The following OSBPL3 variants were observed in gnomAD, a reference collection of about 807,000 sequenced individuals.
The protein encoded by OSBPL3 is oxysterol-binding protein-related protein 3.
Under a neutral mutation model 120.1 loss-of-function variants are expected in OSBPL3, and 65 were observed. That is an observed-to-expected ratio of 0.54 (90% CI 0.44 to 0.67). The LOEUF is 0.67. OSBPL3 is among the 30% of genes least tolerant of loss of function. OSBPL3 has a pLI of 0.00. For missense variants in OSBPL3, 1,004 were observed against 1,082.1 expected (o/e 0.93, Z 1.01); for synonymous variants, 416 against 402.6 (o/e 1.03, Z -0.40).
In OSBPL3 at chr7:24,881,368, T is replaced by C. The variant is rs562039694; in HGVS notation, c.97-9299A>G. 1.0e-3 allele frequency among the ~76,000 whole-genome samples: 159 copies of C among 152,338 alleles called. 1 individual carries two copies. Among genetic ancestry groups the C allele is most frequent in the African/African-American group, 3.6e-3 (151 of 41,586 alleles). ...GAAGGAATGACTTTAGTGCCAAGTA[T>C]GTTATAGTCCAGTTTGTAACGGAGC... On this transcript the variant is annotated intron_variant, in intron 2 of 22. Transcript: ENST00000313367. This position sits in a 1 kb window ranked among gnomAD's most constrained non-coding sequence, Gnocchi z 4.3.
intron 1 of OSBPL3, among the ~76,000 whole-genome samples, chr7:24,926,415 A>AT (rs1811053890): frequency 6.6e-6 from 1 of 152,140 alleles, no homozygotes; most frequent in Non-Finnish European, 1.5e-5. Flanking sequence ...AGGTATAAAC[A>AT]TTTTTTTAAA....
At position 24,937,429 on chromosome 7, in the gene OSBPL3, T is replaced by A. The variant is rs1428341767; in HGVS notation, c.-150+42457A>T. On this transcript the variant is annotated intron_variant, in intron 1 of 22. Transcript: ENST00000313367. The surrounding 1 kb of genome is among the most constrained non-coding windows in gnomAD (Gnocchi z 4.0). ...TGTATATAATCCCCAATTTGACTTT[T>A]ATGTTCAACATTATTCTTGAGGTTT... Among the ~76,000 whole-genome samples, 2 of 152,252 alleles carry A rather than the reference T, an allele frequency of 1.3e-5. No individual in the cohort carries two copies. Among genetic ancestry groups the A allele is most frequent in the African/African-American group, 4.8e-5 (2 of 41,468 alleles).
intron 10 of OSBPL3, 114 bp downstream of exon 10, chr7:24,861,495 AAATC>A: frequency 1.6e-6 from 1 of 627,624 alleles, no homozygotes; most frequent in South Asian, 3.1e-5. Flanking sequence ...AGGTTTCCCT[AAATC>A]TTAATAGAGC....
At chr7:24,979,325 A>T (rs1817938053) in intron 1 of OSBPL3, among the ~76,000 whole-genome samples, 1 of 151,376 alleles carries the variant, frequency 6.6e-6, no homozygotes, top group South Asian at 2.1e-4. Context: ...CAGAAAGCTG[A>T]TGAATATGTA....
At chr7:24,948,855 T>A (rs1191059930) in intron 1 of OSBPL3, among the ~76,000 whole-genome samples, 1 of 152,182 alleles carries the variant, frequency 6.6e-6, no homozygotes, top group African/African-American at 2.4e-5. Flanking sequence ...TTATGAGTCA[T>A]CACAGGAAAT....
At chr7:24,884,072 CA>C (rs1214749051) in intron 2 of OSBPL3, among the ~76,000 whole-genome samples, 162 of 125,330 alleles carry the variant, frequency 1.3e-3, no homozygotes, top group Admixed American at 5.7e-3. Context: ...AACAAACAAA[CA>C]AACAACAACA....
At position 24,930,517 on chromosome 7, in the gene OSBPL3, T is replaced by C. The variant is rs924517081; in HGVS notation, c.-149-37896A>G. On this transcript the variant is annotated intron_variant, in intron 1 of 22. Transcript: ENST00000313367. The surrounding 1 kb of genome is among the most constrained non-coding windows in gnomAD (Gnocchi z 4.4). Reference sequence around the variant, plus strand: ...GGTTTCAGTGGGAGGTCTATTTCAATAGGAATGGGGGACACTGAGTTGCAG... The same window carrying C: ...GGTTTCAGTGGGAGGTCTATTTCAACAGGAATGGGGGACACTGAGTTGCAG... Among the ~76,000 whole-genome samples the C allele has an allele frequency of 5.9e-5, 9 of 152,074 alleles. No individual in the cohort carries two copies. Among genetic ancestry groups the C allele is most frequent in the Non-Finnish European group, 1.0e-4 (7 of 68,014 alleles).
chr7:24,810,106 A>C, intron 19 of OSBPL3, 155 bp from the exon 20 acceptor site: 1 of 685,330 alleles, frequency 1.5e-6, no homozygotes, highest in East Asian at 2.6e-5. Context: ...TTTAACCGAC[A>C]AATAAAAAAT....
chr7:24,876,945 A>G (rs1299273990), intron 2 of OSBPL3, among the ~76,000 whole-genome samples: 1 of 152,200 alleles, frequency 6.6e-6, no homozygotes, highest in Non-Finnish European at 1.5e-5. Context: ...ATAATGTGCT[A>G]AATACCATAC....
At chr7:24,970,325 C>T (rs536691483) in intron 1 of OSBPL3, among the ~76,000 whole-genome samples, 4 of 152,174 alleles carry the variant, frequency 2.6e-5, no homozygotes, top group African/African-American at 9.6e-5. Flanking sequence ...AGGCTGGTCT[C>T]GAACTCCTGA....
At chr7:24,977,247 G>A (rs1481079775) in intron 1 of OSBPL3, among the ~76,000 whole-genome samples, 1 of 152,072 alleles carries the variant, frequency 6.6e-6, no homozygotes, top group Non-Finnish European at 1.5e-5. Flanking sequence ...AGTCTATCAG[G>A]CCCACAAACC....
intron 20 of OSBPL3, among the ~76,000 whole-genome samples, chr7:24,807,820 T>C (rs1793256127): frequency 6.6e-6 from 1 of 152,184 alleles, no homozygotes; most frequent in Non-Finnish European, 1.5e-5. Flanking sequence ...AAATCCAATG[T>C]AGACTACTAA....
intron 5 of OSBPL3, among the ~76,000 whole-genome samples, chr7:24,870,223 C>A (rs1386975324): frequency 6.6e-6 from 1 of 152,148 alleles, no homozygotes; most frequent in African/African-American, 2.4e-5. Flanking sequence ...GGAGAGACAG[C>A]ACAAGAGGGT....
rs1408069393 is a variant in OSBPL3 at position 24,867,035 on chromosome 7, G to A, written c.382-798C>T. ...CAGGCTGGTCTCGAACTCCTGACCTGGTGATCTGCCCGCCTCGGCCTCCCA... is the reference window on the plus strand; with the variant it reads ...CAGGCTGGTCTCGAACTCCTGACCTAGTGATCTGCCCGCCTCGGCCTCCCA... On this transcript the variant is annotated intron_variant, in intron 5 of 22. Transcript: ENST00000313367. This position sits in a 1 kb window ranked among gnomAD's most constrained non-coding sequence, Gnocchi z 4.5. 1.3e-5 allele frequency among the ~76,000 whole-genome samples: 2 copies of A among 152,112 alleles called. No individual in the cohort carries two copies. Among genetic ancestry groups the A allele is most frequent in the South Asian group, 4.1e-4 (2 of 4,830 alleles).
At chr7:24,934,641 C>T (rs755177231) in intron 1 of OSBPL3, among the ~76,000 whole-genome samples, 9 of 152,154 alleles carry the variant, frequency 5.9e-5, no homozygotes, top group East Asian at 1.9e-4. Context: ...ACTACTTAGA[C>T]GGCTTTATCC....
At position 24,863,491 on chromosome 7, in the gene OSBPL3, C is replaced by T. The variant is rs756516808; in HGVS notation, c.777+5G>A. 1 of 1,608,652 alleles carries T rather than the reference C, an allele frequency of 6.2e-7. No homozygotes were observed. Among genetic ancestry groups the T allele is most frequent in the South Asian group, 1.1e-5 (1 of 90,974 alleles). On this transcript the variant is annotated splice_donor_5th_base_variant and intron_variant, in intron 8 of 22. Coordinates refer to ENST00000313367, the MANE Select transcript of OSBPL3 (RefSeq NM_015550.4). The surrounding 1 kb of genome is among the most constrained non-coding windows in gnomAD (Gnocchi z 5.8). ...GAATGTCAACAGAAGAGGAGTCCGG[C>T]TCACCTGGATGGCGTTGATAGCTGG...
chr7:24,942,384 G>A (rs1813205892), intron 1 of OSBPL3, among the ~76,000 whole-genome samples: 1 of 152,184 alleles, frequency 6.6e-6, no homozygotes, highest in African/African-American at 2.4e-5. Context: ...AGTGCCTGAA[G>A]CCATGTCTGT....
In OSBPL3 at chr7:24,899,764, T is replaced by C. The variant is rs1355097156; in HGVS notation, c.-149-7143A>G. On this transcript the variant is annotated intron_variant, in intron 1 of 22. Transcript: ENST00000313367. This position sits in a 1 kb window ranked among gnomAD's most constrained non-coding sequence, Gnocchi z 4.0. ...AAATGCCCATAACTATACAATCACC[T>C]ACAATTTCTCAAAGTGTCCAGATCC... Among the ~76,000 whole-genome samples the C allele has an allele frequency of 6.6e-6, 1 of 152,234 alleles. No individual in the cohort carries two copies. The highest frequency in any genetic ancestry group is 1.9e-4 in the East Asian group (1 of 5,194).
In OSBPL3 at chr7:24,980,027, A is replaced by T. The variant is rs1003049559; in HGVS notation, c.-291T>A. 3.0e-6 allele frequency: 3 copies of T among 985,148 alleles called. No homozygotes were observed. The African/African-American group carries it at 5.2e-5, about 17-fold the overall frequency. The allele number at this position is 985,148 out of a possible 1,614,324, so 61.0% of individuals were successfully genotyped here. A position where few individuals can be genotyped will look rare whatever the true frequency, so the allele number is the denominator to read the frequency against. On this transcript the variant is annotated 5_prime_UTR_variant, in exon 1 of 23. Transcript: ENST00000313367. ...TGACAGCTCCCGCACCGGCCGCAGG[A>T]GTCGGGGGCGGGGATGGCCACTTGC...
Sources: allele counts gnomAD v4.1 joint callset (sites outside exome capture counted in the v4.1 genomes callset), GRCh38; gene constraint gnomAD v4.1.1; non-coding constraint Gnocchi (gnomAD v3.1); transcripts MANE v1.5; gene names NCBI Gene and HGNC (gene_info 2026-07-23, HGNC 2026-07-21).